Variants in HFM1 observed in about 807,000 individuals in gnomAD.
The protein encoded by HFM1 is helicase for meiosis 1.
In HFM1, 169 loss-of-function variants were observed where a neutral mutation model predicts 192.1. That is an observed-to-expected ratio of 0.88 (90% confidence interval 0.78 to 1.00). The LOEUF is 1.00. HFM1 is among the 50% of genes least tolerant of loss of function. HFM1 has a pLI of 0.00. For missense variants in HFM1, 1,661 were observed against 1,668.0 expected, an observed-to-expected ratio of 1.00 and a Z score of 0.07; for synonymous variants, 525 against 537.8, an observed-to-expected ratio of 0.98 and a Z score of 0.33.
intron 30 of HFM1, among the ~76,000 whole-genome samples, chr1:91,292,504 A>G (rs1228966842): frequency 6.6e-6 from 1 of 151,524 alleles, no homozygotes; most frequent in Non-Finnish European, 1.5e-5. Flanking sequence ...AGGGATGTGA[A>G]GGACCTCTTC....
At chr1:91,386,380 T>C (rs1662220747) in intron 4 of HFM1, among the ~76,000 whole-genome samples, 1 of 152,226 alleles carries the variant, frequency 6.6e-6, no homozygotes, top group African/African-American at 2.4e-5. Flanking sequence ...AAGAGAGACC[T>C]GATAGCTCCT....
intron 20 of HFM1, among the ~76,000 whole-genome samples, chr1:91,333,521 A>C (rs1238761452): frequency 2.0e-5 from 3 of 151,910 alleles, no homozygotes; most frequent in East Asian, 1.9e-4. Context: ...TAAAAAAAAA[A>C]CAGAAAGAAT....
At chr1:91,359,615 G>A (rs879466834) in intron 13 of HFM1, among the ~76,000 whole-genome samples, 2 of 148,254 alleles carry the variant, frequency 1.3e-5, no homozygotes, top group Non-Finnish European at 3.0e-5. Context: ...CAAGAAATAT[G>A]GGATTAAGTA....
At chr1:91,360,792 G>C (rs1246670080) in intron 13 of HFM1, among the ~76,000 whole-genome samples, 2 of 152,148 alleles carry the variant, frequency 1.3e-5, no homozygotes, top group Non-Finnish European at 2.9e-5. Flanking sequence ...CACATAATTG[G>C]AAGTAAAACA....
At chr1:91,289,958 A>C (rs1347305507) in intron 30 of HFM1, among the ~76,000 whole-genome samples, 1 of 152,174 alleles carries the variant, frequency 6.6e-6, no homozygotes, top group African/African-American at 2.4e-5. Context: ...TAAGCTTCAT[A>C]AGTGAAGGAG....
Position 91,267,731 on chromosome 1 carries a change from A to G in HFM1, c.3883+14T>C. On this transcript the variant is annotated intron_variant, in intron 35 of 38. Transcript: ENST00000370425. ...ATTCCTAATGAAATGATTGCATGCT[A>G]AGTATGATTTTACCTGATATTTTTG... 9.1e-7 allele frequency: 1 copy of G among 1,099,360 alleles called. No homozygotes were observed. Among genetic ancestry groups the G allele is most frequent in the Non-Finnish European group, 1.3e-6 (1 of 759,358 alleles). The allele number at this position is 1,099,360 out of a possible 1,614,324, so 68.1% of individuals were successfully genotyped here.
At chr1:91,355,326 A>T (rs961475370) in intron 13 of HFM1, among the ~76,000 whole-genome samples, 1 of 152,130 alleles carries the variant, frequency 6.6e-6, no homozygotes, top group East Asian at 1.9e-4. Flanking sequence ...AAGCAACCAG[A>T]AAACAATTAA....
Position 91,264,359 on chromosome 1 carries a change from GTATTTTT to G in HFM1, c.3974+1651_3974+1657del, listed in dbSNP as rs1350797950. Among the ~76,000 whole-genome samples the G allele has an allele frequency of 9.2e-5, 5 of 54,076 alleles. No individual in the cohort carries two copies. In the East Asian group the frequency reaches 2.4e-3, roughly 26 times the overall value. 35.5% of individuals were successfully genotyped at this position (54,076 alleles called of 152,430 possible). The stretch of plus-strand genomic sequence containing the variant: ...AATTCCAAGGGATACCACAAATTTA[GTATTTTT>G]TTTTTTTTTTTTTTTTTTTTTTTTG... On this transcript the variant is annotated intron_variant, in intron 36 of 38. Transcript: ENST00000370425.
intron 13 of HFM1, among the ~76,000 whole-genome samples, chr1:91,359,774 C>A (rs1658260019): frequency 6.6e-6 from 1 of 152,062 alleles, no homozygotes; most frequent in African/African-American, 2.4e-5. Context: ...GCAGAGAACC[C>A]CAGGAAGATA....
chr1:91,294,685 G>A (rs1357705962), intron 30 of HFM1, among the ~76,000 whole-genome samples: 17 of 152,166 alleles, frequency 1.1e-4, no homozygotes. Context: ...TTTTAGGAAA[G>A]TTTTCTGACC....
chr1:91,288,858 G>A (rs112405350), intron 30 of HFM1, among the ~76,000 whole-genome samples: 16,092 of 152,160 alleles, frequency 0.11, 1,120 homozygotes, highest in Middle Eastern at 0.2. Context: ...AACCGCCATC[G>A]TCATCATGGC....
chr1:91,356,643 A>C (rs984470881), intron 13 of HFM1, among the ~76,000 whole-genome samples: 3 of 152,098 alleles, frequency 2.0e-5, no homozygotes, highest in African/African-American at 7.2e-5. Flanking sequence ...CCACCAAAAA[A>C]ACATAGAAAA....
Position 91,377,050 on chromosome 1 carries a change from T to C in HFM1, c.1395+975A>G, listed in dbSNP as rs1206309738. Among the ~76,000 whole-genome samples the C allele has an allele frequency of 2.7e-5, 4 of 150,472 alleles. No individual in the cohort carries two copies. The East Asian group carries it at 7.8e-4, about 29-fold the overall frequency. Reference sequence around the variant, plus strand: ...TTACAATAAAACCACAAAAATAGTATTGAAGAATATTTAATGATATAAAAA... The same window carrying C: ...TTACAATAAAACCACAAAAATAGTACTGAAGAATATTTAATGATATAAAAA... On this transcript the variant is annotated intron_variant, in intron 11 of 38. Coordinates refer to ENST00000370425, the MANE Select transcript of HFM1 (RefSeq NM_001017975.6).
intron 30 of HFM1, among the ~76,000 whole-genome samples, chr1:91,299,282 A>T (rs1334240133): frequency 6.6e-6 from 1 of 152,212 alleles, no homozygotes; most frequent in Non-Finnish European, 1.5e-5. Flanking sequence ...AGATTCATAA[A>T]GCAAGTCCTT....
Position 91,328,512 on chromosome 1 carries a change from T to A in HFM1, c.2336-3746A>T, listed in dbSNP as rs137974959. ...CTATGAGCACTTATCAGTTCCTGATTGCTGTTCGCCAGGGTGGGGATGTGC... is the reference window on the plus strand; with the variant it reads ...CTATGAGCACTTATCAGTTCCTGATAGCTGTTCGCCAGGGTGGGGATGTGC... On this transcript the variant is annotated intron_variant, in intron 20 of 38. Coordinates refer to ENST00000370425, the MANE Select transcript of HFM1 (RefSeq NM_001017975.6). 3.1e-5 allele frequency: 50 copies of A among 1,613,422 alleles called. No individual in the cohort carries two copies. The Admixed American group carries it at 8.3e-4, about 27-fold the overall frequency.
chr1:91,268,580 A>G (rs1665986820), intron 34 of HFM1, among the ~76,000 whole-genome samples: 2 of 152,020 alleles, frequency 1.3e-5, no homozygotes, highest in African/African-American at 2.4e-5. Flanking sequence ...TTTACACAGT[A>G]TTGTGCTAAT....
chr1:91,287,675 C>G (rs1356044820), intron 30 of HFM1, among the ~76,000 whole-genome samples: 1 of 152,060 alleles, frequency 6.6e-6, no homozygotes, highest in Non-Finnish European at 1.5e-5. Flanking sequence ...ATGACTTTGA[C>G]GAGCTGAGAG....
intron 23 of HFM1, among the ~76,000 whole-genome samples, 199 bp from the exon 24 acceptor site, chr1:91,319,589 C>CTTTA (rs374997334): frequency 5.9e-4 from 89 of 151,998 alleles, no homozygotes; most frequent in African/African-American, 1.9e-3. Context: ...TCAAAGTTGT[C>CTTTA]TTTATTTATT....
intron 36 of HFM1, among the ~76,000 whole-genome samples, chr1:91,264,007 G>A (rs904426080): frequency 2.6e-5 from 4 of 152,062 alleles, no homozygotes; most frequent in Non-Finnish European, 4.4e-5. Context: ...TCACTTGGAT[G>A]GTTATATCCG....
Sources: gnomAD v4.1 joint callset for allele counts (sites outside exome capture counted in the v4.1 genomes callset) on GRCh38, gnomAD v4.1.1 for gene constraint, MANE v1.5 for transcripts, NCBI Gene and HGNC (gene_info 2026-07-23, HGNC 2026-07-21) for gene names.